The following CES5A variants were observed in gnomAD, a reference collection of about 807,000 sequenced individuals.
The protein encoded by CES5A is carboxylesterase 5.
CES5A carries 67 observed loss-of-function variants against 62.9 expected under a neutral mutation model. The ratio of observed to expected loss-of-function variants is 1.07; its 90% CI spans 0.88 to 1.31. CES5A has a LOEUF of 1.31. Among genes scored for constraint, CES5A ranks in the 50% most tolerant of loss-of-function variants. CES5A has a pLI of 0.00. For missense variants in CES5A, 748 were observed against 708.5 expected (o/e 1.06, Z -0.63); for synonymous variants, 296 against 280.8 (o/e 1.05, Z -0.54).
In CES5A at chr16:55,909,788, A is replaced by G. The variant is rs1245480791; in HGVS notation, c.-256+15535T>C. Among the ~76,000 whole-genome samples, 29 of 152,116 alleles carry G rather than the reference A, an allele frequency of 1.9e-4. 1 individual carries two copies. Among genetic ancestry groups the G allele is most frequent in the Admixed American group, 1.9e-3 (29 of 15,286 alleles). On this transcript the variant is annotated intron_variant, in intron 1 of 12. Coordinates refer to the CES5A transcript ENST00000518005. ...AAGTTAGGAAATCTGAATTTTGGTT[A>G]CCTCTGCTGGCCTTGGACAAGTTCA...
chr16:55,917,509 G>A (rs2034159169), intron 1 of CES5A, among the ~76,000 whole-genome samples: 1 of 152,190 alleles, frequency 6.6e-6, no homozygotes, highest in African/African-American at 2.4e-5. Context: ...TCTGTTCCTG[G>A]TAGGTCATTG....
intron 1 of CES5A, among the ~76,000 whole-genome samples, chr16:55,907,829 G>A (rs144111272): frequency 6.6e-6 from 1 of 152,282 alleles, no homozygotes; most frequent in Non-Finnish European, 1.5e-5. Flanking sequence ...GTCCCTTCTT[G>A]TGACTGATGA....
chr16:55,920,504 C>T (rs1180087399), intron 1 of CES5A, among the ~76,000 whole-genome samples: 1 of 152,158 alleles, frequency 6.6e-6, no homozygotes, highest in Admixed American at 6.5e-5. Context: ...CTGAGGTATC[C>T]CCTTTGAGAC....
At chr16:55,862,146 A>G (rs1414706752) in intron 6 of CES5A, among the ~76,000 whole-genome samples, 1 of 152,080 alleles carries the variant, frequency 6.6e-6, no homozygotes, top group Non-Finnish European at 1.5e-5. Flanking sequence ...CCAATCTCCT[A>G]TAAGCTCGAT....
chr16:55,909,628 T>C (rs1374739525), intron 1 of CES5A, among the ~76,000 whole-genome samples: 1 of 151,856 alleles, frequency 6.6e-6, no homozygotes. Context: ...GATCTCACCC[T>C]CTCTTGAGTT....
intron 1 of CES5A, among the ~76,000 whole-genome samples, chr16:55,955,569 T>A (rs1225677595): frequency 5.3e-5 from 8 of 152,226 alleles, no homozygotes; most frequent in African/African-American, 1.9e-4. Flanking sequence ...AATCGCCACA[T>A]GCCGCATGGA....
intron 3 of CES5A, among the ~76,000 whole-genome samples, chr16:55,870,229 G>T (rs529486614): frequency 4.6e-5 from 7 of 151,828 alleles, no homozygotes; most frequent in Non-Finnish European, 7.4e-5. Context: ...TCAGAGAAAA[G>T]CTCTCTACCT....
intron 5 of CES5A, among the ~76,000 whole-genome samples, chr16:55,864,332 T>C (rs1177871557): frequency 6.6e-6 from 1 of 152,230 alleles, no homozygotes. Flanking sequence ...ATGTTACTGA[T>C]TTCTGCAATT....
intron 8 of CES5A, 75 bp from the exon 9 acceptor site, chr16:55,856,520 A>C: frequency 1.4e-6 from 2 of 1,422,530 alleles, no homozygotes; most frequent in Admixed American, 3.4e-5. Context: ...GGGCCTGGGC[A>C]GCTGACTTTC....
intron 8 of CES5A, among the ~76,000 whole-genome samples, chr16:55,858,211 GATTAA>G (rs1402768697): frequency 1.3e-5 from 2 of 152,022 alleles, no homozygotes; most frequent in African/African-American, 2.4e-5. Flanking sequence ...AATTAAATTA[GATTAA>G]ATTAAATTAA....
intron 1 of CES5A, among the ~76,000 whole-genome samples, chr16:55,916,794 A>G (rs1481503561): frequency 6.6e-6 from 1 of 152,034 alleles, no homozygotes; most frequent in East Asian, 1.9e-4. Context: ...CAGGAACACA[A>G]TCACTTCCCT....
At chr16:55,900,771 T>A (rs1057344427) in intron 1 of CES5A, among the ~76,000 whole-genome samples, 1 of 152,226 alleles carries the variant, frequency 6.6e-6, no homozygotes, top group Non-Finnish European at 1.5e-5. Context: ...CAGTTGGACC[T>A]GCCAACTTAT....
chr16:55,862,154 G>A (rs1370771271), intron 6 of CES5A, among the ~76,000 whole-genome samples: 2 of 152,028 alleles, frequency 1.3e-5, no homozygotes, highest in African/African-American at 4.8e-5. Flanking sequence ...CTATAAGCTC[G>A]ATGTTCCCCA....
intron 1 of CES5A, among the ~76,000 whole-genome samples, chr16:55,895,529 T>C (rs1216212774): frequency 1.3e-5 from 2 of 152,246 alleles, no homozygotes; most frequent in Non-Finnish European, 2.9e-5. Context: ...TACTTTATTT[T>C]CTCAGTCTTT....
At chr16:55,863,737 A>C (rs1264823948) in intron 5 of CES5A, among the ~76,000 whole-genome samples, 1 of 150,528 alleles carries the variant, frequency 6.6e-6, no homozygotes, top group East Asian at 2.0e-4. Context: ...AAGTTGCTTA[A>C]TATTTTTTTA....
intron 4 of CES5A, among the ~76,000 whole-genome samples, chr16:55,866,951 C>T (rs1162232718): frequency 6.6e-6 from 1 of 152,188 alleles, no homozygotes; most frequent in East Asian, 1.9e-4. Flanking sequence ...ACAACCCTCA[C>T]ACCTATGAGG....
At chr16:55,872,169 C>A (rs1416809151) in intron 2 of CES5A, among the ~76,000 whole-genome samples, 1 of 152,102 alleles carries the variant, frequency 6.6e-6, no homozygotes, top group Admixed American at 6.5e-5. Context: ...CCTATTCTGT[C>A]CCCAGATGCG....
intron 1 of CES5A, among the ~76,000 whole-genome samples, chr16:55,896,291 G>T (rs2033933399): frequency 6.6e-6 from 1 of 152,130 alleles, no homozygotes; most frequent in Non-Finnish European, 1.5e-5. Flanking sequence ...TTCCCACTGG[G>T]TCCTTCCCAT....
At position 55,849,624 on chromosome 16, in the gene CES5A, C is replaced by G. The variant is rs745736374; in HGVS notation, c.1423G>C (p.Glu475Gln). 1.2e-6 allele frequency: 2 copies of G among 1,613,790 alleles called. No homozygotes were observed. Among genetic ancestry groups the G allele is most frequent in the South Asian group, 1.1e-5 (1 of 91,056 alleles). Residue 475 changes from glutamate to glutamine, a missense_variant and splice_region_variant, in exon 11 of 13, where the codon GAA becomes CAA. Glu to Gln is a conservative substitution (Grantham distance 29). Coordinates refer to ENST00000290567, the MANE Select transcript of CES5A (RefSeq NM_001143685.2). ...CTGTGGGAAGTGGCCAGTCCCTTAC[C>G]GAACATAACAATGTCCCCCTTCAGG... ...AFLKGDIVMF[E>Q]GATEEEKLLS...
Sources: allele counts gnomAD v4.1 joint callset (sites outside exome capture counted in the v4.1 genomes callset), GRCh38; gene constraint gnomAD v4.1.1; transcripts MANE v1.5; gene names NCBI Gene and HGNC (gene_info 2026-07-23, HGNC 2026-07-21).